The following ITGA11 variants were observed in gnomAD, a reference collection of about 807,000 sequenced individuals.
ITGA11 encodes the protein integrin alpha-11.
Under a neutral mutation model 141.9 loss-of-function variants are expected in ITGA11, and 97 were observed. The observed-to-expected ratio is 0.68, with a 90% CI of 0.58 to 0.81. The LOEUF (loss-of-function observed/expected upper bound fraction) is 0.81, where lower values mean the gene tolerates loss of function less well. Ranked by LOEUF, ITGA11 falls within the 30% of genes least tolerant of loss-of-function variation. The probability of loss-of-function intolerance (pLI) is 0.00; values close to 1 mark genes in which losing one functional copy is unlikely to be tolerated. For missense variants in ITGA11, 1,387 were observed against 1,559.2 expected, an observed-to-expected ratio of 0.89 and a Z score of 1.86; for synonymous variants, 658 against 624.6, an observed-to-expected ratio of 1.05 and a Z score of -0.80.
At chr15:68,338,960 C>T (rs539883251) in intron 11 of ITGA11, among the ~76,000 whole-genome samples, 2 of 152,362 alleles carry the variant, frequency 1.3e-5, no homozygotes, top group South Asian at 2.1e-4. Context: ...TCCTGCAGAG[C>T]TGGAAGGTGA....
rs1491217604 is a variant in ITGA11 at position 68,368,859 on chromosome 15, C to CTTTTTTT, written c.265+324_265+325insAAAAAAA. 3.8e-3 allele frequency among the ~76,000 whole-genome samples: 261 copies of CTTTTTTT among 68,956 alleles called. 1 individual carries two copies. The highest frequency in any genetic ancestry group is 0.014 in the African/African-American group (253 of 17,892). 45.2% of individuals were successfully genotyped at this position (68,956 alleles called of 152,430 possible). The stretch of plus-strand genomic sequence containing the variant: ...CAAAATCAGGAAAAAGACAGGAAGT[C>CTTTTTTT]CTTTTTTTTTTTTTTTTCTCCTGGG... On this transcript the variant is annotated intron_variant, in intron 3 of 29. Coordinates refer to ENST00000315757, the MANE Select transcript of ITGA11 (RefSeq NM_001004439.2).
intron 1 of ITGA11, among the ~76,000 whole-genome samples, chr15:68,407,112 G>T (rs189274376): frequency 1.2e-4 from 18 of 152,072 alleles, no homozygotes; most frequent in Admixed American, 1.2e-3. Context: ...CCTGCCCTAG[G>T]TCCCATTGCC....
chr15:68,421,263 C>T (rs1371580272), intron 1 of ITGA11, among the ~76,000 whole-genome samples: 2 of 152,132 alleles, frequency 1.3e-5, no homozygotes, highest in African/African-American at 2.4e-5. Flanking sequence ...GCATTCGAAG[C>T]AGAAGAAACA....
In ITGA11 at chr15:68,426,238, C is replaced by T. The variant is rs77088442; in HGVS notation, c.52+5777G>A. On this transcript the variant is annotated intron_variant, in intron 1 of 29. Transcript: ENST00000315757. ...AAATCCCTTTGGGTAGAACACATCA[C>T]GTTGTCATCACTTATTAGTGCGGTT... Among the ~76,000 whole-genome samples, 275 of 152,326 alleles carry T rather than the reference C, an allele frequency of 1.8e-3. 4 individuals are homozygous for T. The highest frequency in any genetic ancestry group is 3.4e-3 in the Middle Eastern group (1 of 294).
In ITGA11 at chr15:68,326,219, C is replaced by T. The variant is rs530161855; in HGVS notation, c.2211+435G>A. On this transcript the variant is annotated intron_variant, in intron 17 of 29. Transcript: ENST00000315757. This position sits in a 1 kb window ranked among gnomAD's most constrained non-coding sequence, Gnocchi z 6.8. ...CTTCCTTAGCTATAAAATGGGGCACCAGGCCACTACCCTACTTGTGACATC... is the reference window on the plus strand; with the variant it reads ...CTTCCTTAGCTATAAAATGGGGCACTAGGCCACTACCCTACTTGTGACATC... Among the ~76,000 whole-genome samples the T allele has an allele frequency of 6.6e-6, 1 of 152,306 alleles. No individual in the cohort carries two copies. The highest frequency in any genetic ancestry group is 2.1e-4 in the South Asian group (1 of 4,824).
chr15:68,421,609 C>G (rs1268056104), intron 1 of ITGA11, among the ~76,000 whole-genome samples: 1 of 150,674 alleles, frequency 6.6e-6, no homozygotes, highest in Non-Finnish European at 1.5e-5. Context: ...CTCGTGTAAC[C>G]TGCCTTCTGG....
In ITGA11 at chr15:68,307,492, C is replaced by T. The variant is rs1595849027; in HGVS notation, c.3286-49G>A. ...GAAGCTGGCTTGGAAGCTTTTCTTC[C>T]CGTCCCCTCCCCAGGCAGCCCCAGG... On this transcript the variant is annotated intron_variant, in intron 27 of 29. Coordinates refer to ENST00000315757, the MANE Select transcript of ITGA11 (RefSeq NM_001004439.2). The surrounding 1 kb of genome is among the most constrained non-coding windows in gnomAD (Gnocchi z 6.1). The T allele has an allele frequency of 2.6e-6, 4 of 1,522,168 alleles. No individual in the cohort carries two copies. The highest frequency in any genetic ancestry group is 3.6e-6 in the Non-Finnish European group (4 of 1,118,976). 94.3% of individuals were successfully genotyped at this position (1,522,168 alleles called of 1,614,324 possible). A position where few individuals can be genotyped will look rare whatever the true frequency, so the allele number is the denominator to read the frequency against.
chr15:68,431,320 A>G (rs775938239), intron 1 of ITGA11, among the ~76,000 whole-genome samples: 38 of 152,174 alleles, frequency 2.5e-4, no homozygotes, highest in Non-Finnish European at 3.4e-4. Context: ...GAATAATTGC[A>G]TAATTCCGAG....
chr15:68,393,851 A>G (rs1896172043), intron 2 of ITGA11, among the ~76,000 whole-genome samples: 1 of 152,202 alleles, frequency 6.6e-6, no homozygotes, highest in Admixed American at 6.5e-5. Context: ...AAGCAACAAT[A>G]ACAATAATGT....
chr15:68,311,498 C>T lies in ITGA11; in HGVS notation c.2974-95G>A, dbSNP rs141060751. On this transcript the variant is annotated intron_variant, in intron 24 of 29. Transcript: ENST00000315757. The stretch of plus-strand genomic sequence containing the variant: ...CAACCAGCCCCTGGGGGTGGCAATT[C>T]CCCCATCAGGCCTGGGAAAAAGGCC... 1.8e-3 allele frequency: 1,434 copies of T among 809,464 alleles called. 5 individuals are homozygous for T. The highest frequency in any genetic ancestry group is 3.2e-3 in the Admixed American group (155 of 48,080). 50.1% of individuals were successfully genotyped at this position (809,464 alleles called of 1,614,324 possible). A position where few individuals can be genotyped will look rare whatever the true frequency, so the allele number is the denominator to read the frequency against.
chr15:68,410,136 C>G (rs1464017402), intron 1 of ITGA11, among the ~76,000 whole-genome samples: 1 of 152,208 alleles, frequency 6.6e-6, no homozygotes, highest in East Asian at 1.9e-4. Flanking sequence ...GCCAGAGTCC[C>G]AAGGGTCTTG....
intron 1 of ITGA11, among the ~76,000 whole-genome samples, chr15:68,411,029 G>A (rs751703736): frequency 3.9e-5 from 6 of 152,222 alleles, no homozygotes; most frequent in African/African-American, 9.6e-5. Flanking sequence ...CAGCTGCGTG[G>A]CCAACAGGGA....
rs1893835336 is a variant in ITGA11 at position 68,322,196 on chromosome 15, A to G, written c.2323-693T>C. ...AGACACAGGGGTGGGAGAGAGGAAG[A>G]GATGGTCAGGGGCCTGTGTTTACAG... On this transcript the variant is annotated intron_variant, in intron 18 of 29. Coordinates refer to ENST00000315757, the MANE Select transcript of ITGA11 (RefSeq NM_001004439.2). The surrounding 1 kb of genome is among the most constrained non-coding windows in gnomAD (Gnocchi z 5.6). Among the ~76,000 whole-genome samples, 2 of 152,144 alleles carry G rather than the reference A, an allele frequency of 1.3e-5. No homozygotes were observed. The highest frequency in any genetic ancestry group is 6.5e-5 in the Admixed American group (1 of 15,276).
chr15:68,323,074 T>C (rs1484434029), intron 18 of ITGA11, among the ~76,000 whole-genome samples: 1 of 152,158 alleles, frequency 6.6e-6, no homozygotes, highest in Admixed American at 6.5e-5. Flanking sequence ...TTAAATTCAT[T>C]AACTTTTCTC....
rs187198165 is a variant in ITGA11 at position 68,415,732 on chromosome 15, C to A, written c.53-12703G>T. ...TGTTAAGCATGTGAAAAAGAACACACCAGGAAGCAGAGAGCTCATGTGTGT... is the reference window on the plus strand; with the variant it reads ...TGTTAAGCATGTGAAAAAGAACACAACAGGAAGCAGAGAGCTCATGTGTGT... On this transcript the variant is annotated intron_variant, in intron 1 of 29. Transcript: ENST00000315757. Among the ~76,000 whole-genome samples, 195 of 152,294 alleles carry A rather than the reference C, an allele frequency of 1.3e-3. 3 individuals carry two copies. The highest frequency in any genetic ancestry group is 0.012 in the South Asian group (56 of 4,826).
intron 10 of ITGA11, among the ~76,000 whole-genome samples, chr15:68,340,393 A>T (rs1894528291): frequency 6.6e-6 from 1 of 152,208 alleles, no homozygotes; most frequent in South Asian, 2.1e-4. Context: ...GAGCTGGAGA[A>T]AAGGGCCAGG....
In ITGA11 at chr15:68,314,788, T is replaced by C. The variant is rs549057614; in HGVS notation, c.2792+863A>G. Among the ~76,000 whole-genome samples the C allele has an allele frequency of 9.8e-5, 15 of 152,338 alleles. No individual in the cohort carries two copies. In the South Asian group the frequency reaches 3.1e-3, roughly 32 times the overall value. ...GATGCACAATTCATTTAACTGTAGC[T>C]GGGACGCGAGCACGTGTCGGGTATG... is the stretch of plus-strand genomic sequence containing the variant. On this transcript the variant is annotated intron_variant, in intron 22 of 29. Transcript: ENST00000315757.
At position 68,322,313 on chromosome 15, in the gene ITGA11, G is replaced by A. The variant is rs1211337685; in HGVS notation, c.2323-810C>T. ...AGACCTGCATGCTGAAGGCTGCCCT[G>A]GCTGCTGTGGGAGAATGGAGTGAGA... On this transcript the variant is annotated intron_variant, in intron 18 of 29. Transcript: ENST00000315757. The surrounding 1 kb of genome is among the most constrained non-coding windows in gnomAD (Gnocchi z 5.6). 6.6e-6 allele frequency among the ~76,000 whole-genome samples: 1 copy of A among 152,192 alleles called. No homozygotes were observed. The highest frequency in any genetic ancestry group is 1.5e-5 in the Non-Finnish European group (1 of 68,034).
chr15:68,357,034 A>C, intron 7 of ITGA11, 117 bp downstream of exon 7: 1 of 954,348 alleles, frequency 1.0e-6, no homozygotes, highest in Non-Finnish European at 1.5e-6. Context: ...ATTTTGAGGA[A>C]TTAAGAAATT....
Sources: gnomAD v4.1 joint callset for allele counts (sites outside exome capture counted in the v4.1 genomes callset) on GRCh38, gnomAD v4.1.1 for gene constraint, Gnocchi (gnomAD v3.1) non-coding constraint, MANE v1.5 for transcripts, NCBI Gene and HGNC (gene_info 2026-07-23, HGNC 2026-07-21) for gene names.